Variants in ATG5 observed in about 807,000 individuals in gnomAD.
The protein encoded by ATG5 is autophagy protein 5.
ATG5 carries 14 observed loss-of-function variants against 36.5 expected under a neutral mutation model. The ratio of observed to expected loss-of-function variants is 0.38; its 90% CI spans 0.25 to 0.60. ATG5 has a LOEUF of 0.60. Ranked by LOEUF, ATG5 falls within the 20% of genes least tolerant of loss-of-function variation. ATG5 has a pLI of 0.60. For synonymous variants in ATG5, 95 were observed against 101.5 expected (o/e 0.94, Z 0.38); for missense variants, 195 against 326.7 (o/e 0.60, Z 3.11).
intron 6 of ATG5, among the ~76,000 whole-genome samples, chr6:106,229,395 A>G (rs1430404252): frequency 6.6e-6 from 1 of 151,990 alleles, no homozygotes; most frequent in Non-Finnish European, 1.5e-5. Flanking sequence ...AGAAAGAGAC[A>G]GTGAGAGACA....
intron 6 of ATG5, among the ~76,000 whole-genome samples, chr6:106,228,258 C>T (rs959508756): frequency 2.6e-5 from 4 of 152,190 alleles, no homozygotes; most frequent in Non-Finnish European, 5.9e-5. Context: ...CACTCTCCAT[C>T]CACCACTGCT....
In ATG5 at chr6:106,184,985, ATTT is replaced by A. The variant is rs1473515819; in HGVS notation, c.*1552_*1554del. On this transcript the variant is annotated 3_prime_UTR_variant, in exon 8 of 8. Coordinates refer to ENST00000369076, the MANE Select transcript of ATG5 (RefSeq NM_004849.4). ...ATCCTTACATAACTCAAATATTGCT[ATTT>A]TTTTCCTGCCTTTACTAAAATGGCA... 6.6e-6 allele frequency: 1 copy of A among 152,190 alleles called. No individual in the cohort carries two copies. Among genetic ancestry groups the A allele is most frequent in the Admixed American group, 6.6e-5 (1 of 15,262 alleles). The allele number at this position is 152,190 out of a possible 1,614,324, so 9.4% of individuals were successfully genotyped here. A position where few individuals can be genotyped will look rare whatever the true frequency, so the allele number is the denominator to read the frequency against.
chr6:106,247,600 A>G (rs1778394310), intron 6 of ATG5, among the ~76,000 whole-genome samples: 1 of 152,234 alleles, frequency 6.6e-6, no homozygotes, highest in Non-Finnish European at 1.5e-5. Context: ...CCTCGGTCAC[A>G]ACATGTTCAT....
intron 5 of ATG5, among the ~76,000 whole-genome samples, chr6:106,275,378 T>C (rs1562250286): frequency 1.3e-5 from 2 of 152,314 alleles, no homozygotes; most frequent in East Asian, 3.9e-4. Context: ...ATACCTCTCA[T>C]TAGACTTTGC....
At chr6:106,242,574 T>A (rs145485594) in intron 6 of ATG5, among the ~76,000 whole-genome samples, 66 of 152,190 alleles carry the variant, frequency 4.3e-4, no homozygotes, top group Non-Finnish European at 7.9e-4. Flanking sequence ...TATTTTACCA[T>A]GATTAAAAAT....
chr6:106,300,651 T>C (rs1770172744), intron 3 of ATG5, among the ~76,000 whole-genome samples: 1 of 152,094 alleles, frequency 6.6e-6, no homozygotes, highest in African/African-American at 2.4e-5. Context: ...TCCTAGGCTA[T>C]AATCCTGTAC....
chr6:106,224,292 A>T (rs1163978883), intron 6 of ATG5, among the ~76,000 whole-genome samples: 1 of 152,242 alleles, frequency 6.6e-6, no homozygotes, highest in East Asian at 1.9e-4. Flanking sequence ...AAGCAGGTAG[A>T]AAAATCTAAG....
chr6:106,210,457 C>G (rs754706225), intron 6 of ATG5, among the ~76,000 whole-genome samples: 4 of 152,098 alleles, frequency 2.6e-5, no homozygotes, highest in African/African-American at 4.8e-5. Flanking sequence ...TAAGTAAATA[C>G]TAATAATGGC....
chr6:106,306,651 G>A (rs1770458054), intron 3 of ATG5, among the ~76,000 whole-genome samples: 1 of 152,172 alleles, frequency 6.6e-6, no homozygotes, highest in African/African-American at 2.4e-5. Flanking sequence ...AAAATTCTGA[G>A]ATAATCTGTA....
In ATG5 at chr6:106,308,374, G is replaced by T; in HGVS notation, c.226C>A (p.Pro76Thr). Residue 76 changes from proline (P) to threonine (T), a missense_variant, in exon 3 of 8, where the codon CCA becomes ACA. Physicochemically the swap from Pro to Thr is conservative, Grantham distance 38. Transcript: ENST00000369076. The part of the protein sequence containing the change: ...SEIWFEYEGT[P>T]LKWHYPIGLL... ...GAAAAATTCACTCACCATTTCAGTG[G>T]TGTGCCTTCATATTCAAACCATATC... 6.4e-7 allele frequency: 1 copy of T among 1,572,304 alleles called. No individual in the cohort carries two copies. Among genetic ancestry groups the T allele is most frequent in the Non-Finnish European group, 8.6e-7 (1 of 1,164,344 alleles).
chr6:106,229,436 GGAGA>G (rs899268653), intron 6 of ATG5, among the ~76,000 whole-genome samples: 24 of 149,542 alleles, frequency 1.6e-4, no homozygotes, highest in African/African-American at 5.6e-4. Context: ...GAGACAGAGA[GGAGA>G]GAGAGAGAGA....
chr6:106,201,334 G>A (rs550430179), intron 7 of ATG5, among the ~76,000 whole-genome samples: 1 of 151,408 alleles, frequency 6.6e-6, no homozygotes, highest in Admixed American at 6.6e-5. Context: ...TCAGTTAATG[G>A]ATTATGGGCA....
chr6:106,313,769 ATC>A (rs1770741939), intron 2 of ATG5, among the ~76,000 whole-genome samples: 1 of 151,116 alleles, frequency 6.6e-6, no homozygotes, highest in Non-Finnish European at 1.5e-5. Flanking sequence ...GGGACATATT[ATC>A]TGAACTACAG....
intron 6 of ATG5, among the ~76,000 whole-genome samples, chr6:106,240,250 A>C (rs1778066915): frequency 6.6e-6 from 1 of 150,832 alleles, no homozygotes. Context: ...AGATATCATA[A>C]AAATCAAGAT....
intron 6 of ATG5, among the ~76,000 whole-genome samples, chr6:106,220,011 T>C (rs1777179572): frequency 6.6e-6 from 1 of 152,148 alleles, no homozygotes. Flanking sequence ...GACCCTCCTT[T>C]AAATTGATAG....
At chr6:106,196,406 T>C (rs1732626184) in intron 7 of ATG5, among the ~76,000 whole-genome samples, 1 of 152,092 alleles carries the variant, frequency 6.6e-6, no homozygotes, top group Non-Finnish European at 1.5e-5. Context: ...GAGACCTGTG[T>C]TCTAAACCTA....
chr6:106,195,982 G>C (rs1028041319), intron 7 of ATG5, among the ~76,000 whole-genome samples: 2 of 152,082 alleles, frequency 1.3e-5, no homozygotes, highest in Admixed American at 6.5e-5. Flanking sequence ...ATCTTGTCTT[G>C]TAACCTGGGT....
At chr6:106,243,723 C>T (rs1207820665) in intron 6 of ATG5, among the ~76,000 whole-genome samples, 5 of 151,138 alleles carry the variant, frequency 3.3e-5, no homozygotes, top group Admixed American at 6.6e-5. Context: ...CCTAGCTACT[C>T]GGGAGGCTGA....
chr6:106,211,730 C>A (rs1776859906), intron 6 of ATG5, among the ~76,000 whole-genome samples: 1 of 152,082 alleles, frequency 6.6e-6, no homozygotes, highest in Non-Finnish European at 1.5e-5. Flanking sequence ...GACCCAAATC[C>A]CTGTAAACTG....
Sources: allele counts gnomAD v4.1 joint callset (sites outside exome capture counted in the v4.1 genomes callset), GRCh38; gene constraint gnomAD v4.1.1; transcripts MANE v1.5; gene names NCBI Gene and HGNC (gene_info 2026-07-23, HGNC 2026-07-21).